LAMA2: variants seen among roughly 807,000 people sequenced by gnomAD.
The protein encoded by LAMA2 is laminin subunit alpha-2.
A neutral mutation model predicts 364.8 loss-of-function variants in LAMA2; 269 were observed. The observed-to-expected ratio is 0.74, with a 90% CI of 0.67 to 0.82. The LOEUF (loss-of-function observed/expected upper bound fraction) is 0.82, where lower values mean the gene tolerates loss of function less well. LAMA2 is among the 40% of genes least tolerant of loss of function. The pLI, the probability that LAMA2 is intolerant of heterozygous loss-of-function variation, is 0.00. For missense variants in LAMA2, 3,807 were observed against 3,873.2 expected, an observed-to-expected ratio of 0.98 and a Z score of 0.45; for synonymous variants, 1,379 against 1,370.6, an observed-to-expected ratio of 1.01 and a Z score of -0.14.
chr6:129,463,240 A>T (rs1467793605), intron 49 of LAMA2, among the ~76,000 whole-genome samples: 1 of 152,076 alleles, frequency 6.6e-6, no homozygotes, highest in Non-Finnish European at 1.5e-5. Flanking sequence ...TAAGAAGCCT[A>T]GCATTTATTA....
chr6:129,067,456 T>C (rs560389988), intron 3 of LAMA2, among the ~76,000 whole-genome samples: 2 of 152,318 alleles, frequency 1.3e-5, no homozygotes, highest in Admixed American at 1.3e-4. Context: ...TTGAAGAAAA[T>C]GTTCATCCTA....
chr6:129,446,018 A>T (rs1438413292), intron 45 of LAMA2, among the ~76,000 whole-genome samples, 197 bp downstream of exon 45: 3 of 152,180 alleles, frequency 2.0e-5, no homozygotes, highest in African/African-American at 7.2e-5. Context: ...AAGACATTTC[A>T]TGAGAATGAT....
Position 129,055,785 on chromosome 6 carries a change from C to A in LAMA2, c.284-3999C>A, listed in dbSNP as rs182844900. On this transcript the variant is annotated intron_variant, in intron 2 of 64. Coordinates refer to ENST00000421865, the MANE Select transcript of LAMA2 (RefSeq NM_000426.4). ...AAAGCTAGCAGTTTGAAAGGTTTAC[C>A]TCATCAGCGATTCCCTATCCAGTTT... Among the ~76,000 whole-genome samples, 18 of 152,316 alleles carry A rather than the reference C, an allele frequency of 1.2e-4. No homozygotes were observed. In the East Asian group the frequency reaches 2.9e-3, roughly 24 times the overall value.
chr6:129,307,266 G>T (rs973355806), intron 22 of LAMA2, among the ~76,000 whole-genome samples: 2 of 152,112 alleles, frequency 1.3e-5, no homozygotes, highest in African/African-American at 2.4e-5. Flanking sequence ...TGAAAATATG[G>T]CTTATTCCAA....
intron 34 of LAMA2, among the ~76,000 whole-genome samples, chr6:129,376,718 A>G (rs1164796509): frequency 6.6e-6 from 1 of 152,104 alleles, no homozygotes; most frequent in East Asian, 1.9e-4. Context: ...TGTTAACTCC[A>G]ATTTACCTTT....
chr6:129,014,289 T>C (rs909256978), intron 1 of LAMA2, among the ~76,000 whole-genome samples: 1 of 152,214 alleles, frequency 6.6e-6, no homozygotes. Flanking sequence ...ATCCTGTGTA[T>C]TTTTTACACT....
chr6:129,129,023 A>G (rs1777292306), intron 4 of LAMA2, among the ~76,000 whole-genome samples: 1 of 152,224 alleles, frequency 6.6e-6, no homozygotes, highest in Non-Finnish European at 1.5e-5. Context: ...TGAAGCTGAA[A>G]GGAGCCCAGC....
rs1003124136 is a variant in LAMA2, at chr6:129,074,470, A to T, written c.396+14574A>T. ...ATTCAACTGTCAGCAAATCAATAAA[A>T]GTACCCTGAGAGGAAAATGGCTAGC... On this transcript the variant is annotated intron_variant, in intron 3 of 64. Transcript: ENST00000421865. Among the ~76,000 whole-genome samples the T allele has an allele frequency of 2.0e-5, 3 of 152,178 alleles. No individual in the cohort carries two copies. The East Asian group carries it at 5.8e-4, about 29-fold the overall frequency.
At position 129,201,170 on chromosome 6, in the gene LAMA2, A is replaced by T. The variant is rs532898343; in HGVS notation, c.1782+8317A>T. Among the ~76,000 whole-genome samples, 123 of 152,322 alleles carry T rather than the reference A, an allele frequency of 8.1e-4. 1 individual carries two copies. The highest frequency in any genetic ancestry group is 2.9e-3 in the African/African-American group (121 of 41,580). On this transcript the variant is annotated intron_variant, in intron 12 of 64. Transcript: ENST00000421865. ...AGAAACAAATGGGGTGAGGTTTACAATTGCCCCAAGATTATTGCCTGGGGA... is the reference window on the plus strand; with the variant it reads ...AGAAACAAATGGGGTGAGGTTTACATTTGCCCCAAGATTATTGCCTGGGGA...
intron 8 of LAMA2, among the ~76,000 whole-genome samples, chr6:129,164,177 A>G (rs945769196): frequency 6.6e-6 from 1 of 152,136 alleles, no homozygotes; most frequent in Non-Finnish European, 1.5e-5. Flanking sequence ...TGTTTTTTCT[A>G]TCTGATACCT....
At chr6:129,502,579 A>G in intron 58 of LAMA2, 80 bp from the exon 59 acceptor site, 1 of 895,770 alleles carries the variant, frequency 1.1e-6, no homozygotes, top group Non-Finnish European at 1.9e-6. Context: ...GCTAATATGT[A>G]AGAAACAATT....
Position 129,067,604 on chromosome 6 carries a change from AG to A in LAMA2, c.396+7709del, listed in dbSNP as rs994813740. 5.3e-5 allele frequency among the ~76,000 whole-genome samples: 8 copies of A among 152,312 alleles called. No individual in the cohort carries two copies. In the East Asian group the frequency reaches 1.2e-3, roughly 22 times the overall value. Reference sequence around the variant, plus strand: ...AGATCACACAACACTTTCCACTAAAAGTCTCTACTGGTTTTCCATCACATTC... The same window carrying A: ...AGATCACACAACACTTTCCACTAAAATCTCTACTGGTTTTCCATCACATTC... On this transcript the variant is annotated intron_variant, in intron 3 of 64. Coordinates refer to ENST00000421865, the MANE Select transcript of LAMA2 (RefSeq NM_000426.4).
At chr6:128,938,182 C>A (rs1054443925) in intron 1 of LAMA2, among the ~76,000 whole-genome samples, 1 of 152,060 alleles carries the variant, frequency 6.6e-6, no homozygotes, top group Non-Finnish European at 1.5e-5. Flanking sequence ...TTTAAACTCT[C>A]AGTGCCTCAG....
Position 129,154,747 on chromosome 6 carries a change from T to A in LAMA2, c.1206+64T>A, listed in dbSNP as rs990802188. 1.1e-5 allele frequency: 14 copies of A among 1,279,994 alleles called. No homozygotes were observed. The Admixed American group carries it at 1.9e-4, about 18-fold the overall frequency. 79.3% of individuals were successfully genotyped at this position (1,279,994 alleles called of 1,614,324 possible). On this transcript the variant is annotated intron_variant, in intron 8 of 64. Transcript: ENST00000421865. ...TGCTTTTTCATACAAAAATGTTTTA[T>A]ACAAAAAAATAATAATTTTGAAAGC...
chr6:129,368,776 C>G (rs777959370), intron 33 of LAMA2, among the ~76,000 whole-genome samples: 8 of 152,100 alleles, frequency 5.3e-5, no homozygotes, highest in Non-Finnish European at 7.4e-5. Flanking sequence ...GTTCTTCTTC[C>G]ATCATTCACT....
Position 129,445,837 on chromosome 6 carries a change from C to T in LAMA2, c.6429+16C>T, listed in dbSNP as rs772875118. 1.2e-5 allele frequency: 20 copies of T among 1,603,854 alleles called. No homozygotes were observed. The East Asian group carries it at 1.8e-4, about 14-fold the overall frequency. Reference sequence around the variant, plus strand: ...AGCCAATTCTGTAAGTTCTTTTTATCGTCAGTATCAGTAACTGATTGTAAT... The same window carrying T: ...AGCCAATTCTGTAAGTTCTTTTTATTGTCAGTATCAGTAACTGATTGTAAT... On this transcript the variant is annotated intron_variant, in intron 45 of 64. Coordinates refer to ENST00000421865, the MANE Select transcript of LAMA2 (RefSeq NM_000426.4).
intron 3 of LAMA2, among the ~76,000 whole-genome samples, chr6:129,071,965 CAAACAAAACAAAACA>C (rs367979054): frequency 6.6e-6 from 1 of 151,982 alleles, no homozygotes; most frequent in Non-Finnish European, 1.5e-5. Context: ...TCATCTCTAC[CAAACAAAACAAAACA>C]AAACAAAACA....
intron 62 of LAMA2, among the ~76,000 whole-genome samples, chr6:129,508,173 G>T (rs1786258875): frequency 6.6e-6 from 1 of 152,122 alleles, no homozygotes; most frequent in African/African-American, 2.4e-5. Flanking sequence ...GGTCATGAAG[G>T]TACAGTTAGG....
chr6:128,952,708 C>A (rs1246261657), intron 1 of LAMA2, among the ~76,000 whole-genome samples: 1 of 151,934 alleles, frequency 6.6e-6, no homozygotes, highest in Non-Finnish European at 1.5e-5. Flanking sequence ...ATGTACTGTC[C>A]TAGATATTTT....
Sources: allele counts gnomAD v4.1 joint callset (sites outside exome capture counted in the v4.1 genomes callset), GRCh38; gene constraint gnomAD v4.1.1; transcripts MANE v1.5; gene names NCBI Gene and HGNC (gene_info 2026-07-23, HGNC 2026-07-21).